The following NEGR1 variants were observed in gnomAD, a reference collection of about 807,000 sequenced individuals.
The protein encoded by NEGR1 is neuronal growth regulator 1, also known as IgLON family member 4.
A neutral mutation model predicts 40.9 loss-of-function variants in NEGR1; 10 were observed. The observed-to-expected ratio is 0.24, with a 90% CI of 0.15 to 0.42. The LOEUF is 0.42. Among genes scored for constraint, NEGR1 ranks in the 10% least tolerant of loss-of-function variants. The probability of loss-of-function intolerance (pLI) is 1.00; values close to 1 mark genes in which losing one functional copy is unlikely to be tolerated. For missense variants in NEGR1, 352 were observed against 438.9 expected, an observed-to-expected ratio of 0.80 and a Z score of 1.77; for synonymous variants, 185 against 166.8, an observed-to-expected ratio of 1.11 and a Z score of -0.84.
At chr1:71,650,645 T>C (rs1326822612) in intron 4 of NEGR1, among the ~76,000 whole-genome samples, 1 of 152,158 alleles carries the variant, frequency 6.6e-6, no homozygotes. Flanking sequence ...TGGTCTTGAC[T>C]ATTTCAAGAA....
At chr1:72,093,923 T>C (rs577583109) in intron 1 of NEGR1, among the ~76,000 whole-genome samples, 45 of 152,240 alleles carry the variant, frequency 3.0e-4, no homozygotes, top group Non-Finnish European at 5.0e-4. Flanking sequence ...CAGATGTGAT[T>C]AATTCATTTT....
At chr1:72,199,229 A>G (rs1167954898) in intron 1 of NEGR1, among the ~76,000 whole-genome samples, 1 of 148,414 alleles carries the variant, frequency 6.7e-6, no homozygotes, top group South Asian at 2.1e-4. Context: ...TGTATACTGT[A>G]AAGGGGCTGC....
At chr1:71,493,938 T>G (rs1253426397) in intron 6 of NEGR1, among the ~76,000 whole-genome samples, 2 of 152,210 alleles carry the variant, frequency 1.3e-5, no homozygotes, top group Non-Finnish European at 2.9e-5. Flanking sequence ...CATTCACTTA[T>G]TCACATTTCC....
chr1:71,956,646 G>A (rs564543890), intron 1 of NEGR1, among the ~76,000 whole-genome samples: 3 of 152,196 alleles, frequency 2.0e-5, no homozygotes, highest in African/African-American at 7.2e-5. Context: ...GAAATTATCT[G>A]TCAATACATA....
At chr1:71,449,157 C>G (rs1230580519) in intron 6 of NEGR1, among the ~76,000 whole-genome samples, 2 of 152,168 alleles carry the variant, frequency 1.3e-5, no homozygotes, top group Non-Finnish European at 2.9e-5. Context: ...TATCAGAATT[C>G]ATTTTCACTA....
At chr1:71,947,330 T>C (rs1646030807) in intron 1 of NEGR1, among the ~76,000 whole-genome samples, 1 of 152,086 alleles carries the variant, frequency 6.6e-6, no homozygotes, top group Admixed American at 6.6e-5. Flanking sequence ...TTCCTAGATT[T>C]TGTTGGAATG....
intron 1 of NEGR1, among the ~76,000 whole-genome samples, chr1:72,052,879 A>T (rs182390618): frequency 6.6e-6 from 1 of 151,388 alleles, no homozygotes; most frequent in Non-Finnish European, 1.5e-5. Context: ...CCTTGATTCC[A>T]TTAGATTCTC....
chr1:71,473,804 T>A (rs543408193), intron 6 of NEGR1, among the ~76,000 whole-genome samples: 2 of 152,120 alleles, frequency 1.3e-5, no homozygotes, highest in South Asian at 4.1e-4. Context: ...ACAAAAGAGC[T>A]CCAAATTCCT....
At chr1:71,631,162 G>C (rs1650956934) in intron 4 of NEGR1, among the ~76,000 whole-genome samples, 1 of 151,690 alleles carries the variant, frequency 6.6e-6, no homozygotes, top group Non-Finnish European at 1.5e-5. Flanking sequence ...TTTGCTTTTT[G>C]CCAATTTTTA....
chr1:71,576,590 A>G (rs1648973350), intron 6 of NEGR1, among the ~76,000 whole-genome samples: 1 of 152,196 alleles, frequency 6.6e-6, no homozygotes, highest in African/African-American at 2.4e-5. Flanking sequence ...AGACTGTAGT[A>G]AAGACTACTG....
intron 6 of NEGR1, among the ~76,000 whole-genome samples, chr1:71,507,144 C>T (rs1033841487): frequency 6.6e-6 from 1 of 152,156 alleles, no homozygotes; most frequent in Non-Finnish European, 1.5e-5. Flanking sequence ...AAATGGTCAT[C>T]AAAAAGAGAA....
chr1:71,988,286 G>C (rs561091955), intron 1 of NEGR1, among the ~76,000 whole-genome samples: 1 of 152,198 alleles, frequency 6.6e-6, no homozygotes, highest in Non-Finnish European at 1.5e-5. Context: ...GCTATGAAGA[G>C]TAAAGGAGGT....
At chr1:71,759,080 G>T (rs1381701928) in intron 3 of NEGR1, among the ~76,000 whole-genome samples, 2 of 151,938 alleles carry the variant, frequency 1.3e-5, no homozygotes, top group Non-Finnish European at 2.9e-5. Context: ...GCAGTGCCTG[G>T]GCTATACTAA....
intron 2 of NEGR1, among the ~76,000 whole-genome samples, chr1:71,907,957 C>A (rs1302907318): frequency 6.6e-6 from 1 of 152,016 alleles, no homozygotes; most frequent in Non-Finnish European, 1.5e-5. Context: ...ATATTTGGCA[C>A]TCATGGACAT....
intron 4 of NEGR1, among the ~76,000 whole-genome samples, chr1:71,696,841 G>T (rs1653490163): frequency 6.6e-6 from 1 of 151,702 alleles, no homozygotes; most frequent in Non-Finnish European, 1.5e-5. Flanking sequence ...AGTTTCTTTG[G>T]CAATTTTACT....
chr1:71,461,720 A>T (rs1646715982), intron 6 of NEGR1: 1 of 152,198 alleles, frequency 6.6e-6, no homozygotes, highest in African/African-American at 2.4e-5. Flanking sequence ...ATGGCTGATG[A>T]GAAGATGGAT....
chr1:72,213,263 G>A (rs1557581394), intron 1 of NEGR1, among the ~76,000 whole-genome samples: 2 of 151,912 alleles, frequency 1.3e-5, no homozygotes, highest in Non-Finnish European at 2.9e-5. Context: ...TTAATTCAGT[G>A]TTTTACAGCC....
rs59316206 is a variant in NEGR1 at position 72,090,365 on chromosome 1, T to TAA, written c.177-155056_177-155055dup. Among the ~76,000 whole-genome samples, 482 of 131,164 alleles carry TAA rather than the reference T, an allele frequency of 3.7e-3. 3 individuals are homozygous for TAA. The highest frequency in any genetic ancestry group is 0.011 in the African/African-American group (412 of 36,544). 86.0% of individuals were successfully genotyped at this position (131,164 alleles called of 152,430 possible). A position where few individuals can be genotyped will look rare whatever the true frequency, so the allele number is the denominator to read the frequency against. On this transcript the variant is annotated intron_variant, in intron 1 of 6. Coordinates refer to ENST00000357731, the MANE Select transcript of NEGR1 (RefSeq NM_173808.3). ...GTTTATAAAATAATTCTTTTTTTCT[T>TAA]AAAAAAAAAAAAAAAAAGAGCTCCC...
rs1384907432 is a variant in NEGR1 at position 71,403,613 on chromosome 1, A to G, written c.*3833T>C. 3.6e-6 allele frequency: 1 copy of G among 274,834 alleles called. No homozygotes were observed. The allele number at this position is 274,834 out of a possible 1,614,324, so 17.0% of individuals were successfully genotyped here. On this transcript the variant is annotated 3_prime_UTR_variant, in exon 7 of 7. Transcript: ENST00000357731. Reference sequence around the variant, plus strand: ...TAGAATTTTTACCCTGTACTGCTTTAGAGTAAGCAGAAAGATGAGTGTAAT... The same window carrying G: ...TAGAATTTTTACCCTGTACTGCTTTGGAGTAAGCAGAAAGATGAGTGTAAT...
Sources: allele counts gnomAD v4.1 joint callset (sites outside exome capture counted in the v4.1 genomes callset), GRCh38; gene constraint gnomAD v4.1.1; transcripts MANE v1.5; gene names NCBI Gene and HGNC (gene_info 2026-07-23, HGNC 2026-07-21).